TMED3: variants seen among roughly 807,000 people sequenced by gnomAD.
TMED3 encodes transmembrane emp24 domain-containing protein 3.
In TMED3, 9 loss-of-function variants were observed where a neutral mutation model predicts 15.0. The observed-to-expected ratio is 0.60, with a 90% CI of 0.36 to 1.04. The LOEUF (loss-of-function observed/expected upper bound fraction) is 1.04, where lower values mean the gene tolerates loss of function less well. Ranked by LOEUF, TMED3 falls within the 50% of genes least tolerant of loss-of-function variation. TMED3 has a pLI of 0.01. For missense variants in TMED3, 267 were observed against 278.9 expected, an observed-to-expected ratio of 0.96 and a Z score of 0.30; for synonymous variants, 117 against 121.4, an observed-to-expected ratio of 0.96 and a Z score of 0.24.
chr15:79,350,437 A>T (rs2058887537), intron 2 of TMED3, among the ~76,000 whole-genome samples: 3 of 152,132 alleles, frequency 2.0e-5, no homozygotes, highest in South Asian at 2.1e-4. Context: ...AAGGCCCAAG[A>T]GCCTCTGGCA....
chr15:79,383,007 G>T lies in TMED3; in HGVS notation c.418-28393G>T, dbSNP rs934250997. On this transcript the variant is annotated intron_variant, in intron 2 of 2. Coordinates refer to the TMED3 transcript ENST00000424155. The stretch of plus-strand genomic sequence containing the variant: ...ACCAACACCAACGCCACCACTAAGG[G>T]TTCCAGTGTGATCACCATCTGGGAT... 3.3e-6 allele frequency: 5 copies of T among 1,535,246 alleles called. No individual in the cohort carries two copies. In the African/African-American group the frequency reaches 6.9e-5, roughly 21 times the overall value.
chr15:79,407,271 G>A (rs767586937), intron 2 of TMED3, among the ~76,000 whole-genome samples: 2 of 152,130 alleles, frequency 1.3e-5, no homozygotes, highest in Non-Finnish European at 1.5e-5. Flanking sequence ...ATTAAACCCC[G>A]AGTCAGGGGA....
intron 2 of TMED3, among the ~76,000 whole-genome samples, chr15:79,320,909 G>A (rs1290205059): frequency 1.3e-5 from 2 of 152,192 alleles, no homozygotes; most frequent in South Asian, 2.1e-4. Context: ...GGAAGGATCT[G>A]CTTTCATGCT....
chr15:79,345,493 G>T (rs1390897954), intron 2 of TMED3, among the ~76,000 whole-genome samples: 2 of 152,100 alleles, frequency 1.3e-5, no homozygotes, highest in African/African-American at 4.8e-5. Context: ...TCTTTTTCTG[G>T]CTGCATAGTA....
downstream of TMED3, among the ~76,000 whole-genome samples, chr15:79,324,015 G>C (rs1307687282): frequency 6.6e-6 from 1 of 152,050 alleles, no homozygotes; most frequent in Non-Finnish European, 1.5e-5. Context: ...TTTTGAGACA[G>C]AGTCTCACTC....
At chr15:79,325,187 G>A (rs2058783059), downstream of TMED3, among the ~76,000 whole-genome samples, 1 of 152,168 alleles carries the variant, frequency 6.6e-6, no homozygotes, top group African/African-American at 2.4e-5. Flanking sequence ...AATGGTGTTG[G>A]CTTGCTCCAT....
intron 2 of TMED3, among the ~76,000 whole-genome samples, chr15:79,367,687 C>G (rs763046993): frequency 1.3e-5 from 2 of 152,092 alleles, no homozygotes; most frequent in Non-Finnish European, 2.9e-5. Flanking sequence ...GTTGGACAAC[C>G]CGATGGGTTG....
intron 2 of TMED3, chr15:79,384,527 A>G (rs1034087521): frequency 6.6e-6 from 1 of 152,268 alleles, no homozygotes; most frequent in African/African-American, 2.4e-5. Context: ...GCCAAGAGGC[A>G]CAGACTATGC....
downstream of TMED3, among the ~76,000 whole-genome samples, chr15:79,324,352 A>G (rs1235004791): frequency 6.6e-6 from 1 of 152,242 alleles, no homozygotes; most frequent in Non-Finnish European, 1.5e-5. Context: ...ACATTTTGAA[A>G]TTGAAGATTT....
chr15:79,394,837 AC>A (rs1893742621), intron 2 of TMED3, among the ~76,000 whole-genome samples: 1 of 152,010 alleles, frequency 6.6e-6, no homozygotes, highest in African/African-American at 2.4e-5. Flanking sequence ...AGAAATTGAG[AC>A]CCCCTGTGTA....
At chr15:79,404,629 T>G (rs763542784) in intron 2 of TMED3, among the ~76,000 whole-genome samples, 4 of 152,250 alleles carry the variant, frequency 2.6e-5, no homozygotes, top group Non-Finnish European at 2.9e-5. Flanking sequence ...TTTGTCCTTC[T>G]GACCTCTGAT....
chr15:79,404,308 A>G (rs557596814), intron 2 of TMED3, among the ~76,000 whole-genome samples: 83 of 152,304 alleles, frequency 5.4e-4, no homozygotes, highest in African/African-American at 2.0e-3. Flanking sequence ...GTACCATATC[A>G]AAGACTCAGC....
At chr15:79,342,473 A>G (rs2058855098) in intron 2 of TMED3, among the ~76,000 whole-genome samples, 1 of 150,910 alleles carries the variant, frequency 6.6e-6, no homozygotes, top group Non-Finnish European at 1.5e-5. Context: ...AAAATTGTAA[A>G]CATTACAAAG....
intron 2 of TMED3, among the ~76,000 whole-genome samples, chr15:79,357,741 A>G (rs966634839): frequency 6.6e-6 from 1 of 152,138 alleles, no homozygotes; most frequent in Non-Finnish European, 1.5e-5. Context: ...GGCAGTTGGA[A>G]GAACACTGGC....
chr15:79,390,718 G>A (rs182724255), intron 2 of TMED3, among the ~76,000 whole-genome samples: 1 of 151,744 alleles, frequency 6.6e-6, no homozygotes, highest in Admixed American at 6.6e-5. Flanking sequence ...ATGTGGTTTT[G>A]GACTTTTTTT....
intron 2 of TMED3, among the ~76,000 whole-genome samples, chr15:79,338,224 A>C (rs1162800264): frequency 2.0e-5 from 3 of 152,214 alleles, no homozygotes; most frequent in Non-Finnish European, 4.4e-5. Flanking sequence ...GGTACAAAGG[A>C]GATTTCCATT....
intron 2 of TMED3, among the ~76,000 whole-genome samples, chr15:79,338,751 T>C (rs181329257): frequency 6.0e-4 from 91 of 152,012 alleles, no homozygotes; most frequent in Non-Finnish European, 8.8e-4. Flanking sequence ...GAAGACAGAG[T>C]GCGAGCCTTC....
chr15:79,342,778 C>T (rs1207653612), intron 2 of TMED3, among the ~76,000 whole-genome samples: 1 of 152,118 alleles, frequency 6.6e-6, no homozygotes, highest in Non-Finnish European at 1.5e-5. Context: ...TTACACTGGG[C>T]CCTGCTTAGC....
At chr15:79,316,288 G>A (rs1338026139) in intron 2 of TMED3, among the ~76,000 whole-genome samples, 1 of 152,236 alleles carries the variant, frequency 6.6e-6, no homozygotes, top group African/African-American at 2.4e-5. Flanking sequence ...GCTCCTAGGA[G>A]AGGACCTGGG....
Sources: gnomAD v4.1 joint callset for allele counts (sites outside exome capture counted in the v4.1 genomes callset) on GRCh38, gnomAD v4.1.1 for gene constraint, MANE v1.5 for transcripts, NCBI Gene and HGNC (gene_info 2026-07-23, HGNC 2026-07-21) for gene names.